FGD5: variants seen among roughly 807,000 people sequenced by gnomAD.
The protein encoded by FGD5 is FYVE, RhoGEF and PH domain containing 5.
In FGD5, 28 loss-of-function variants were observed where a neutral mutation model predicts 133.4. The ratio of observed to expected loss-of-function variants is 0.21; its 90% CI spans 0.16 to 0.29. FGD5 has a LOEUF of 0.29. Among genes scored for constraint, FGD5 ranks in the 10% least tolerant of loss-of-function variants. The pLI is 1.00. For synonymous variants in FGD5, 810 were observed against 776.5 expected (o/e 1.04, Z -0.72); for missense variants, 1,858 against 1,895.2 (o/e 0.98, Z 0.36).
At chr3:14,900,958 G>T in intron 8 of FGD5, 45 bp from the exon 9 acceptor site, 1 of 1,609,500 alleles carries the variant, frequency 6.2e-7, no homozygotes, top group Non-Finnish European at 8.5e-7. Context: ...GAAAATTGAT[G>T]CCCCTCTTGC....
chr3:14,913,420 CT>C (rs1374033114), intron 11 of FGD5, among the ~76,000 whole-genome samples: 6 of 152,152 alleles, frequency 3.9e-5, no homozygotes, highest in Admixed American at 6.5e-5. Context: ...TGAATTCCCC[CT>C]CTTCAGGACG....
rs1294885668 is a variant in FGD5, at chr3:14,922,837, C to T, written c.3808-209C>T. ...AAGTATCATGTAGTGGTTAAGGGCG[C>T]GGGCTCATCAGAAAAGCAGATAGGC... On this transcript the variant is annotated intron_variant, in intron 15 of 19. Transcript: ENST00000285046. The surrounding 1 kb of genome is among the most constrained non-coding windows in gnomAD (Gnocchi z 4.1). Among the ~76,000 whole-genome samples, 11 of 152,128 alleles carry T rather than the reference C, an allele frequency of 7.2e-5. No individual in the cohort carries two copies. Among genetic ancestry groups the T allele is most frequent in the South Asian group, 4.1e-4 (2 of 4,826 alleles).
chr3:14,913,419 C>G (rs543264930), intron 11 of FGD5, among the ~76,000 whole-genome samples: 153 of 152,260 alleles, frequency 1.0e-3, no homozygotes, highest in Non-Finnish European at 1.9e-3. Context: ...GTGAATTCCC[C>G]CTCTTCAGGA....
intron 7 of FGD5, 123 bp from the exon 8 acceptor site, chr3:14,900,280 G>A (rs2038212939): frequency 2.2e-6 from 2 of 920,098 alleles, no homozygotes; most frequent in South Asian, 1.5e-5. Flanking sequence ...GATGGGGCCA[G>A]CAGGGGAGAG....
intron 1 of FGD5, among the ~76,000 whole-genome samples, chr3:14,835,474 C>T (rs1176297864): frequency 1.3e-5 from 2 of 150,898 alleles, no homozygotes; most frequent in Non-Finnish European, 2.9e-5. Context: ...CACTCCAGCC[C>T]GGATGACAGA....
At chr3:14,846,415 C>T (rs578054150) in intron 1 of FGD5, among the ~76,000 whole-genome samples, 118 of 152,302 alleles carry the variant, frequency 7.7e-4, no homozygotes, top group Non-Finnish European at 1.3e-3. Flanking sequence ...GGTCTCTGTC[C>T]TGGCATGTGG....
At chr3:14,854,193 G>GGGCTT (rs1213747773) in intron 1 of FGD5, among the ~76,000 whole-genome samples, 1 of 151,798 alleles carries the variant, frequency 6.6e-6, no homozygotes, top group Non-Finnish European at 1.5e-5. Flanking sequence ...CCAACATTCT[G>GGGCTT]GGCTACTTGG....
At chr3:14,855,651 G>GT (rs564359159) in intron 1 of FGD5, among the ~76,000 whole-genome samples, 18,121 of 147,758 alleles carry the variant, frequency 0.12, 1,297 homozygotes, top group East Asian at 0.31. Context: ...CCATTTGTAT[G>GT]TTTTTTTTTT....
chr3:14,812,915 C>G (rs2036314532), intron 1 of FGD5, among the ~76,000 whole-genome samples: 1 of 152,138 alleles, frequency 6.6e-6, no homozygotes, highest in Non-Finnish European at 1.5e-5. Flanking sequence ...AGGTGTTTTA[C>G]TTCTATCAGT....
chr3:14,876,331 C>T (rs1477799724), intron 2 of FGD5, among the ~76,000 whole-genome samples: 1 of 152,186 alleles, frequency 6.6e-6, no homozygotes, highest in Non-Finnish European at 1.5e-5. Context: ...GTTCTCAAAA[C>T]TTTTTGGTCT....
At chr3:14,851,141 G>A (rs1437237189) in intron 1 of FGD5, among the ~76,000 whole-genome samples, 1 of 127,122 alleles carries the variant, frequency 7.9e-6, no homozygotes, top group African/African-American at 3.1e-5. Flanking sequence ...GCGTTGAGGA[G>A]CTCTGCCTGT....
chr3:14,869,153 G>C (rs1316891864), intron 2 of FGD5, among the ~76,000 whole-genome samples: 1 of 152,134 alleles, frequency 6.6e-6, no homozygotes, highest in Non-Finnish European at 1.5e-5. Flanking sequence ...AATTATCTGG[G>C]TGTGGTGGCA....
rs532431422 is a variant in FGD5 at position 14,878,723 on chromosome 3, T to A, written c.2659-1849T>A. 2.7e-5 allele frequency among the ~76,000 whole-genome samples: 4 copies of A among 147,574 alleles called. No individual in the cohort carries two copies. The South Asian group carries it at 8.7e-4, about 32-fold the overall frequency. On this transcript the variant is annotated intron_variant, in intron 2 of 19. Transcript: ENST00000285046. Reference sequence around the variant, plus strand: ...GGAAACTGCCTAGTTCCAAAGCCCATGCTTTTTTTTTTTTTTTTTTGAGAC... The same window carrying A: ...GGAAACTGCCTAGTTCCAAAGCCCAAGCTTTTTTTTTTTTTTTTTTGAGAC...
intron 4 of FGD5, among the ~76,000 whole-genome samples, chr3:14,884,612 A>C (rs1042905382): frequency 5.9e-5 from 9 of 152,202 alleles, no homozygotes; most frequent in African/African-American, 2.2e-4. Flanking sequence ...TAAGACAACC[A>C]TGCTGTTATG....
At chr3:14,890,748 G>A (rs534201711) in intron 4 of FGD5, among the ~76,000 whole-genome samples, 4 of 152,330 alleles carry the variant, frequency 2.6e-5, no homozygotes, top group Admixed American at 2.6e-4. Context: ...AATTACAGAC[G>A]AGAAACCAGC....
intron 2 of FGD5, among the ~76,000 whole-genome samples, chr3:14,876,282 A>G (rs1346945699): frequency 6.6e-6 from 1 of 151,966 alleles, no homozygotes; most frequent in South Asian, 2.1e-4. Flanking sequence ...TCCATCCACA[A>G]CCCTTTGCTG....
chr3:14,922,384 A>G lies in FGD5; in HGVS notation c.3670-27A>G, dbSNP rs747632548. 17 of 1,558,080 alleles carry G rather than the reference A, an allele frequency of 1.1e-5. No homozygotes were observed. Among genetic ancestry groups the G allele is most frequent in the Middle Eastern group, 3.3e-4 (2 of 6,022 alleles). ...GGCTGGTCTCCTGGCCACATTCCAC[A>G]TTACTCAGCCAATTCTGTTGCTGCA... On this transcript the variant is annotated intron_variant, in intron 14 of 19. Coordinates refer to ENST00000285046, the MANE Select transcript of FGD5 (RefSeq NM_152536.4). The surrounding 1 kb of genome is among the most constrained non-coding windows in gnomAD (Gnocchi z 4.1).
At position 14,840,437 on chromosome 3, in the gene FGD5, G is replaced by A. The variant is rs1013040305; in HGVS notation, c.2525+18841G>A. On this transcript the variant is annotated intron_variant, in intron 1 of 19. Transcript: ENST00000285046. ...TGGGATTACAAGCATGAGCCACCACGCCCAGCCTACATTTATATTTCTATC... is the reference window on the plus strand; with the variant it reads ...TGGGATTACAAGCATGAGCCACCACACCCAGCCTACATTTATATTTCTATC... 3.9e-5 allele frequency among the ~76,000 whole-genome samples: 6 copies of A among 152,002 alleles called. No homozygotes were observed. In the East Asian group the frequency reaches 9.6e-4, roughly 24 times the overall value.
At chr3:14,907,575 C>T in intron 9 of FGD5, 65 bp from the exon 10 acceptor site, 1 of 1,465,246 alleles carries the variant, frequency 6.8e-7, no homozygotes, top group Non-Finnish European at 9.5e-7. Context: ...CCATGCCTTA[C>T]AGAGGAGATA....
Sources: gnomAD v4.1 joint callset for allele counts (sites outside exome capture counted in the v4.1 genomes callset) on GRCh38, gnomAD v4.1.1 for gene constraint, Gnocchi (gnomAD v3.1) non-coding constraint, MANE v1.5 for transcripts, NCBI Gene and HGNC (gene_info 2026-07-23, HGNC 2026-07-21) for gene names.